Variants in CSGALNACT1 observed in about 807,000 individuals in gnomAD.
CSGALNACT1 encodes chondroitin sulfate N-acetylgalactosaminyltransferase 1.
A neutral mutation model predicts 51.0 loss-of-function variants in CSGALNACT1; 52 were observed. That is an observed-to-expected ratio of 1.02 (90% CI 0.82 to 1.29). CSGALNACT1 has a LOEUF of 1.29. CSGALNACT1 is among the 50% of genes most tolerant of loss of function. The probability of loss-of-function intolerance (pLI) is 0.00; values close to 1 mark genes in which losing one functional copy is unlikely to be tolerated. For missense variants in CSGALNACT1, 935 were observed against 679.2 expected, an observed-to-expected ratio of 1.38 and a Z score of -4.19; for synonymous variants, 341 against 254.4, an observed-to-expected ratio of 1.34 and a Z score of -3.24.
intron 3 of CSGALNACT1, among the ~76,000 whole-genome samples, chr8:19,532,228 AT>A (rs1340066480): frequency 2.6e-5 from 4 of 151,962 alleles, no homozygotes; most frequent in Non-Finnish European, 4.4e-5. Flanking sequence ...CCTTAAAACA[AT>A]CTCATTTTGA....
At chr8:19,419,587 G>A (rs1175530599) in intron 7 of CSGALNACT1, among the ~76,000 whole-genome samples, 1 of 152,172 alleles carries the variant, frequency 6.6e-6, no homozygotes, top group Admixed American at 6.6e-5. Context: ...AGTACTGTGG[G>A]TTCTTTGTGC....
intron 3 of CSGALNACT1, among the ~76,000 whole-genome samples, chr8:19,512,313 T>C (rs1371534972): frequency 1.3e-5 from 2 of 152,144 alleles, no homozygotes; most frequent in Non-Finnish European, 2.9e-5. Context: ...GTTCTGCAGC[T>C]ACAGGTAAGG....
At chr8:19,597,782 G>C (rs1588888440) in intron 2 of CSGALNACT1, among the ~76,000 whole-genome samples, 1 of 152,354 alleles carries the variant, frequency 6.6e-6, no homozygotes, top group East Asian at 1.9e-4. Flanking sequence ...AGGGTCTTCA[G>C]ACACCAGCAA....
chr8:19,710,158 T>TA (rs1485482814), intron 1 of CSGALNACT1, among the ~76,000 whole-genome samples: 1 of 152,196 alleles, frequency 6.6e-6, no homozygotes, highest in African/African-American at 2.4e-5. Flanking sequence ...TTCAAAATGT[T>TA]AGAGAAAAAG....
intron 3 of CSGALNACT1, among the ~76,000 whole-genome samples, chr8:19,526,404 G>A (rs1395864871): frequency 2.6e-5 from 4 of 152,180 alleles, no homozygotes; most frequent in African/African-American, 4.8e-5. Flanking sequence ...CCAACATGGT[G>A]AAACTTCATC....
At chr8:19,752,309 A>C (rs2065091285) in intron 1 of CSGALNACT1, among the ~76,000 whole-genome samples, 1 of 151,940 alleles carries the variant, frequency 6.6e-6, no homozygotes, top group South Asian at 2.1e-4. Context: ...AAACTTATGC[A>C]GGTTGTGCCG....
intron 6 of CSGALNACT1, among the ~76,000 whole-genome samples, chr8:19,426,571 A>G (rs931043340): frequency 6.6e-6 from 1 of 152,228 alleles, no homozygotes; most frequent in East Asian, 1.9e-4. Context: ...GTGCAGTTCC[A>G]CTAACATCAC....
chr8:19,549,317 A>C (rs933015743), intron 3 of CSGALNACT1, among the ~76,000 whole-genome samples: 3 of 152,152 alleles, frequency 2.0e-5, no homozygotes, highest in African/African-American at 7.2e-5. Flanking sequence ...AACTAAGCCC[A>C]ATGATGCACT....
At chr8:19,601,120 A>G (rs2050333866) in intron 2 of CSGALNACT1, among the ~76,000 whole-genome samples, 1 of 152,242 alleles carries the variant, frequency 6.6e-6, no homozygotes, top group Admixed American at 6.5e-5. Context: ...GTAATAAAAC[A>G]TCTTATTGCA....
At chr8:19,711,555 A>T (rs2062505355) in intron 1 of CSGALNACT1, among the ~76,000 whole-genome samples, 1 of 152,242 alleles carries the variant, frequency 6.6e-6, no homozygotes, top group Non-Finnish European at 1.5e-5. Context: ...CCCCTAAATC[A>T]GCATTATTAT....
At chr8:19,746,183 C>T (rs2154251689) in intron 1 of CSGALNACT1, among the ~76,000 whole-genome samples, 1 of 152,174 alleles carries the variant, frequency 6.6e-6, no homozygotes, top group African/African-American at 2.4e-5. Flanking sequence ...GTCAGTAAGC[C>T]CTAGCGTAGT....
chr8:19,600,370 G>T (rs115276271), intron 2 of CSGALNACT1, among the ~76,000 whole-genome samples: 2 of 152,226 alleles, frequency 1.3e-5, no homozygotes, highest in East Asian at 3.9e-4. Flanking sequence ...GTGAGCCACC[G>T]CACCCAGCCT....
intron 1 of CSGALNACT1, among the ~76,000 whole-genome samples, chr8:19,640,396 T>G (rs1421958255): frequency 6.6e-6 from 1 of 152,210 alleles, no homozygotes; most frequent in East Asian, 1.9e-4. Context: ...CCTGAAATTC[T>G]CCAGACTCCT....
intron 8 of CSGALNACT1, among the ~76,000 whole-genome samples, chr8:19,412,932 T>C (rs2056156982): frequency 1.3e-5 from 2 of 152,024 alleles, no homozygotes; most frequent in African/African-American, 4.8e-5. Context: ...TGTGGCTTCT[T>C]AGTATGAAGA....
At chr8:19,544,853 G>C (rs1174200157) in intron 3 of CSGALNACT1, among the ~76,000 whole-genome samples, 2 of 152,108 alleles carry the variant, frequency 1.3e-5, no homozygotes, top group Non-Finnish European at 2.9e-5. Flanking sequence ...GTGTATCTGA[G>C]ATATAAAAAA....
At chr8:19,486,038 T>C (rs2072843911) in intron 4 of CSGALNACT1, among the ~76,000 whole-genome samples, 1 of 151,936 alleles carries the variant, frequency 6.6e-6, no homozygotes, top group Non-Finnish European at 1.5e-5. Context: ...AGTGCTGGGA[T>C]TACAGGCGTG....
intron 1 of CSGALNACT1, among the ~76,000 whole-genome samples, chr8:19,707,675 T>C (rs1234974323): frequency 7.2e-6 from 1 of 139,180 alleles, no homozygotes; most frequent in Non-Finnish European, 1.6e-5. Context: ...ACTAATATGC[T>C]TTTTTTAATC....
intron 4 of CSGALNACT1, 71 bp downstream of exon 3, chr8:19,505,130 G>C (rs924697534): frequency 6.3e-7 from 1 of 1,585,102 alleles, no homozygotes; most frequent in Non-Finnish European, 8.7e-7. Flanking sequence ...CCTGGAGCTG[G>C]AACCTGCCTG....
At chr8:19,512,779 C>T (rs2078703614) in intron 3 of CSGALNACT1, among the ~76,000 whole-genome samples, 1 of 152,176 alleles carries the variant, frequency 6.6e-6, no homozygotes, top group South Asian at 2.1e-4. Context: ...AGATTTTATT[C>T]TTGAACAATG....
Sources: allele counts gnomAD v4.1 joint callset (sites outside exome capture counted in the v4.1 genomes callset), GRCh38; gene constraint gnomAD v4.1.1; transcripts MANE v1.5; gene names NCBI Gene and HGNC (gene_info 2026-07-23, HGNC 2026-07-21).